THSD4: variants seen among roughly 807,000 people sequenced by gnomAD.
THSD4 encodes the protein thrombospondin type-1 domain-containing protein 4.
Under a neutral mutation model 119.0 loss-of-function variants are expected in THSD4, and 69 were observed. The observed-to-expected ratio is 0.58, with a 90% CI of 0.48 to 0.71. The LOEUF (loss-of-function observed/expected upper bound fraction) is 0.71, where lower values mean the gene tolerates loss of function less well. Among genes scored for constraint, THSD4 ranks in the 30% least tolerant of loss-of-function variants. THSD4 has a pLI of 0.00. For missense variants in THSD4, 1,393 were observed against 1,391.1 expected (o/e 1.00, Z -0.02); for synonymous variants, 524 against 540.4 (o/e 0.97, Z 0.42).
At position 71,687,755 on chromosome 15, in the gene THSD4, C is replaced by CAA. The variant is rs371746249; in HGVS notation, c.1357+27037_1357+27038dup. On this transcript the variant is annotated intron_variant, in intron 8 of 17. Transcript: ENST00000261862. Reference sequence around the variant, plus strand: ...GGGCAACAAGAGTGAAACTCTGTCTCAAAAAAAAAAAAAAAAACAAACCAG... The same window carrying CAA: ...GGGCAACAAGAGTGAAACTCTGTCTCAAAAAAAAAAAAAAAAAAACAAACCAG... Among the ~76,000 whole-genome samples, 191 of 55,034 alleles carry CAA rather than the reference C, an allele frequency of 3.5e-3. 2 individuals carry two copies. The highest frequency in any genetic ancestry group is 0.024 in the Middle Eastern group (2 of 82). The allele number at this position is 55,034 out of a possible 152,430, so 36.1% of individuals were successfully genotyped here.
rs146297111 is a variant in THSD4, at chr15:71,317,420, A to G, written c.1015+60705A>G. ...TAATGGCAGAAGGTGATGGAGGAGC[A>G]GAGGCATGTCTTACATGGTGGCAGG... On this transcript the variant is annotated intron_variant, in intron 6 of 17. Transcript: ENST00000261862. Among the ~76,000 whole-genome samples, 7 of 152,348 alleles carry G rather than the reference A, an allele frequency of 4.6e-5. No individual in the cohort carries two copies. The East Asian group carries it at 1.2e-3, about 25-fold the overall frequency.
intron 7 of THSD4, among the ~76,000 whole-genome samples, chr15:71,454,518 G>T (rs554280779): frequency 8.5e-5 from 13 of 152,312 alleles, no homozygotes; most frequent in Admixed American, 8.5e-4. Flanking sequence ...GAGGCCCCGC[G>T]TGTGACACCT....
intron 7 of THSD4, among the ~76,000 whole-genome samples, chr15:71,637,699 G>A (rs1029833589): frequency 1.8e-4 from 28 of 152,134 alleles, no homozygotes; most frequent in African/African-American, 6.5e-4. Context: ...AGTAGAGGTG[G>A]ATGGTAGAGT....
rs570784745 is a variant in THSD4 at position 71,223,779 on chromosome 15, CAG to C, written c.464+8385_464+8386del. On this transcript the variant is annotated intron_variant, in intron 4 of 17. Coordinates refer to ENST00000261862, the MANE Select transcript of THSD4 (RefSeq NM_024817.3). ...GGGGATGAGCCGAGGGCTGTGGGAGCAGAGAGGTGGGACTAATTCTTAGGGAA... is the reference window on the plus strand; with the variant it reads ...GGGGATGAGCCGAGGGCTGTGGGAGCAGAGGTGGGACTAATTCTTAGGGAA... Among the ~76,000 whole-genome samples, 444 of 152,170 alleles carry C rather than the reference CAG, an allele frequency of 2.9e-3. 4 individuals are homozygous for C. Among genetic ancestry groups the C allele is most frequent in the African/African-American group, 0.01 (424 of 41,504 alleles).
chr15:71,704,177 C>A (rs1186870071), intron 8 of THSD4, among the ~76,000 whole-genome samples: 1 of 152,172 alleles, frequency 6.6e-6, no homozygotes, highest in Non-Finnish European at 1.5e-5. Flanking sequence ...TTTAACAGAA[C>A]TTAAAGTGAT....
At chr15:71,712,598 A>C (rs563327742) in intron 8 of THSD4, among the ~76,000 whole-genome samples, 257 of 152,336 alleles carry the variant, frequency 1.7e-3, no homozygotes, top group Admixed American at 2.7e-3. Flanking sequence ...AACAATAGAG[A>C]AAATTAAGAA....
chr15:71,408,434 T>G (rs1353405439), intron 6 of THSD4, among the ~76,000 whole-genome samples: 1 of 152,152 alleles, frequency 6.6e-6, no homozygotes, highest in Non-Finnish European at 1.5e-5. Context: ...GGTCTCATTA[T>G]GTTGCCCAGG....
chr15:71,227,816 C>G (rs906075523), intron 4 of THSD4, among the ~76,000 whole-genome samples: 1 of 152,170 alleles, frequency 6.6e-6, no homozygotes, highest in African/African-American at 2.4e-5. Flanking sequence ...TGTGGTTGAC[C>G]TGTAATACAC....
At chr15:71,735,205 G>A (rs956036492) in intron 10 of THSD4, among the ~76,000 whole-genome samples, 4 of 152,124 alleles carry the variant, frequency 2.6e-5, no homozygotes, top group South Asian at 4.1e-4. Context: ...CACTAATTCC[G>A]CTGAGGTGCC....
At chr15:71,154,643 G>T (rs571191442) in intron 2 of THSD4, among the ~76,000 whole-genome samples, 1 of 152,314 alleles carries the variant, frequency 6.6e-6, no homozygotes, top group East Asian at 1.9e-4. Flanking sequence ...AGGAAGGCTG[G>T]GATGTGATCC....
At chr15:71,348,818 C>T (rs1412408060) in intron 6 of THSD4, among the ~76,000 whole-genome samples, 1 of 152,240 alleles carries the variant, frequency 6.6e-6, no homozygotes, top group Admixed American at 6.5e-5. Context: ...CAAGGAGTTA[C>T]ATAAATGTTT....
chr15:71,674,117 T>C (rs112300452), intron 8 of THSD4, among the ~76,000 whole-genome samples: 1 of 152,232 alleles, frequency 6.6e-6, no homozygotes, highest in African/African-American at 2.4e-5. Flanking sequence ...ATGGTTTCTC[T>C]AGGGGTATAA....
At chr15:71,243,408 A>C (rs1002900689) in intron 5 of THSD4, among the ~76,000 whole-genome samples, 3 of 152,200 alleles carry the variant, frequency 2.0e-5, no homozygotes, top group Non-Finnish European at 4.4e-5. Flanking sequence ...GACTTATATT[A>C]ACAATATTTA....
At chr15:71,740,372 A>G (rs2053211376) in intron 11 of THSD4, among the ~76,000 whole-genome samples, 1 of 152,214 alleles carries the variant, frequency 6.6e-6, no homozygotes, top group Admixed American at 6.5e-5. Flanking sequence ...TTCTACCTTT[A>G]GGTAATGTGT....
At chr15:71,557,380 C>T (rs2049036619) in intron 7 of THSD4, among the ~76,000 whole-genome samples, 1 of 152,022 alleles carries the variant, frequency 6.6e-6, no homozygotes, top group Non-Finnish European at 1.5e-5. Flanking sequence ...TATAACATGA[C>T]TATTTTTAAG....
At chr15:71,307,330 A>C (rs2045044141) in intron 6 of THSD4, among the ~76,000 whole-genome samples, 1 of 152,208 alleles carries the variant, frequency 6.6e-6, no homozygotes, top group African/African-American at 2.4e-5. Context: ...ACTTGGTATT[A>C]TACCCAGTTT....
intron 3 of THSD4, among the ~76,000 whole-genome samples, chr15:71,159,782 T>TC (rs1284052027): frequency 6.6e-6 from 1 of 152,114 alleles, no homozygotes; most frequent in Non-Finnish European, 1.5e-5. Context: ...TTTATTTTTT[T>TC]CTCTTGCCTA....
intron 7 of THSD4, among the ~76,000 whole-genome samples, chr15:71,576,116 A>G (rs921593713): frequency 2.6e-5 from 4 of 152,200 alleles, no homozygotes; most frequent in African/African-American, 7.2e-5. Flanking sequence ...GAAAAAAAAA[A>G]AAATTGTTCT....
At chr15:71,750,923 A>C (rs2053436506) in intron 14 of THSD4, among the ~76,000 whole-genome samples, 1 of 152,208 alleles carries the variant, frequency 6.6e-6, no homozygotes, top group East Asian at 1.9e-4. Context: ...CCTTGCCAGC[A>C]TGAGGAATCC....
Sources: allele counts gnomAD v4.1 joint callset (sites outside exome capture counted in the v4.1 genomes callset), GRCh38; gene constraint gnomAD v4.1.1; transcripts MANE v1.5; gene names NCBI Gene and HGNC (gene_info 2026-07-23, HGNC 2026-07-21).